The following PHIP variants were observed in gnomAD, a reference collection of about 807,000 sequenced individuals.
The protein encoded by PHIP is PH-interacting protein.
In PHIP, 54 loss-of-function variants were observed where a neutral mutation model predicts 236.8. The observed-to-expected ratio is 0.23, with a 90% CI of 0.18 to 0.29. PHIP has a LOEUF of 0.29. PHIP is among the 10% of genes least tolerant of loss of function. The pLI is 1.00. For missense variants in PHIP, 1,370 were observed against 2,190.8 expected, an observed-to-expected ratio of 0.63 and a Z score of 7.48; for synonymous variants, 756 against 718.9, an observed-to-expected ratio of 1.05 and a Z score of -0.83.
chr6:78,998,739 G>A (rs1458724273), intron 17 of PHIP, among the ~76,000 whole-genome samples: 1 of 152,084 alleles, frequency 6.6e-6, no homozygotes, highest in African/African-American at 2.4e-5. Context: ...CTAATAAGTG[G>A]CAATAGTAAG....
At chr6:79,038,084 T>A (rs948743917) in intron 7 of PHIP, among the ~76,000 whole-genome samples, 6 of 152,250 alleles carry the variant, frequency 3.9e-5, no homozygotes, top group African/African-American at 1.4e-4. Flanking sequence ...TCAATTCCCA[T>A]TCCCTCTTCA....
chr6:78,969,795 AC>A (rs1767402989), intron 27 of PHIP, 39 bp downstream of exon 27: 9 of 947,264 alleles, frequency 9.5e-6, no homozygotes, highest in Non-Finnish European at 1.4e-5. Context: ...AGAAAAAAAA[AC>A]CACATCAAAC....
intron 6 of PHIP, among the ~76,000 whole-genome samples, chr6:79,053,020 T>A (rs867395460): frequency 2.0e-5 from 3 of 152,284 alleles, no homozygotes; most frequent in African/African-American, 7.2e-5. Flanking sequence ...AGTTTCCTCA[T>A]TAATAAAGTA....
intron 4 of PHIP, among the ~76,000 whole-genome samples, chr6:79,065,763 A>ACC (rs1268972171): frequency 6.3e-5 from 7 of 110,896 alleles, no homozygotes; most frequent in Non-Finnish European, 9.5e-5. Context: ...TCTTAACTAT[A>ACC]CCACACACAC....
chr6:78,981,315 T>A (rs1225257820), intron 23 of PHIP, among the ~76,000 whole-genome samples: 1 of 152,018 alleles, frequency 6.6e-6, no homozygotes, highest in Admixed American at 6.6e-5. Flanking sequence ...GAAATACTTT[T>A]ATGTTTATTT....
At position 78,975,398 on chromosome 6, in the gene PHIP, C is replaced by G. The variant is rs548845552; in HGVS notation, c.2889+3194G>C. Among the ~76,000 whole-genome samples, 899 of 152,326 alleles carry G rather than the reference C, an allele frequency of 5.9e-3. 4 individuals carry two copies. Among genetic ancestry groups the G allele is most frequent in the African/African-American group, 0.02 (829 of 41,568 alleles). On this transcript the variant is annotated intron_variant, in intron 24 of 39. Coordinates refer to ENST00000275034, the MANE Select transcript of PHIP (RefSeq NM_017934.7). ...TCAAAATAATCAGAGCTATCTATGA[C>G]AAACCCACAGCCAATATCATACTGA...
chr6:78,970,929 CCTT>C, intron 24 of PHIP, 41 bp from the exon 25 acceptor site: 1 of 1,363,088 alleles, frequency 7.3e-7, no homozygotes, highest in Non-Finnish European at 1.0e-6. Context: ...GGATGTGTTT[CCTT>C]TAATCCAATA....
At chr6:79,024,888 C>T (rs1173965731) in intron 9 of PHIP, among the ~76,000 whole-genome samples, 1 of 152,120 alleles carries the variant, frequency 6.6e-6, no homozygotes, top group Non-Finnish European at 1.5e-5. Context: ...CCTGGCCTTG[C>T]CAATTTTTAA....
chr6:79,074,444 A>C (rs570974148), intron 4 of PHIP, among the ~76,000 whole-genome samples: 1 of 152,204 alleles, frequency 6.6e-6, no homozygotes, highest in South Asian at 2.1e-4. Flanking sequence ...ACAAATGACA[A>C]AGCTTTCCTT....
At chr6:79,050,189 T>A (rs1772716965) in intron 6 of PHIP, among the ~76,000 whole-genome samples, 1 of 151,982 alleles carries the variant, frequency 6.6e-6, no homozygotes, top group South Asian at 2.1e-4. Flanking sequence ...ATACAATACA[T>A]AACAAGGAGA....
At chr6:78,999,986 CACATTTAA>C (rs1769881823) in intron 17 of PHIP, among the ~76,000 whole-genome samples, 1 of 151,782 alleles carries the variant, frequency 6.6e-6, no homozygotes, top group African/African-American at 2.4e-5. Flanking sequence ...CTGAAAAAAA[CACATTTAA>C]AGTATGTTGT....
chr6:79,030,999 T>C (rs1771646930), intron 7 of PHIP, among the ~76,000 whole-genome samples: 1 of 152,096 alleles, frequency 6.6e-6, no homozygotes, highest in Admixed American at 6.6e-5. Context: ...GCTGGAGTAT[T>C]GTAGTGCGAT....
At chr6:78,943,852 G>A (rs1773643380) in intron 39 of PHIP, among the ~76,000 whole-genome samples, 1 of 151,860 alleles carries the variant, frequency 6.6e-6, no homozygotes, top group Non-Finnish European at 1.5e-5. Flanking sequence ...CAGGTGTGAT[G>A]GCACACACCT....
At chr6:78,951,953 G>C (rs1175959442) in intron 35 of PHIP, among the ~76,000 whole-genome samples, 1 of 152,190 alleles carries the variant, frequency 6.6e-6, no homozygotes. Flanking sequence ...CATCAGTAAA[G>C]TGAGTGGCTT....
chr6:78,968,072 T>C lies in PHIP; in HGVS notation c.3205+1763A>G, dbSNP rs181515071. On this transcript the variant is annotated intron_variant, in intron 27 of 39. Transcript: ENST00000275034. ...ATGGTGTGAACCTGGGAGGTGGAAC[T>C]TGCAGTGAGCCAAGATCACGGCACT... Among the ~76,000 whole-genome samples the C allele has an allele frequency of 6.4e-4, 97 of 152,146 alleles. 1 individual carries two copies. In the South Asian group the frequency reaches 8.1e-3, roughly 13 times the overall value.
chr6:78,988,159 A>G, intron 21 of PHIP, 50 bp downstream of exon 21: 1 of 1,353,454 alleles, frequency 7.4e-7, no homozygotes, highest in Non-Finnish European at 1.0e-6. Flanking sequence ...CTCATATTTA[A>G]AAAAATAAGT....
intron 6 of PHIP, among the ~76,000 whole-genome samples, chr6:79,059,826 CTATTAAA>C (rs1414928770): frequency 6.6e-6 from 1 of 151,540 alleles, no homozygotes; most frequent in Non-Finnish European, 1.5e-5. Flanking sequence ...AAGTACAACA[CTATTAAA>C]ATATCTTAAC....
In PHIP at chr6:79,025,626, A is replaced by G; in HGVS notation, c.823-7T>C. The G allele has an allele frequency of 6.5e-7, 1 of 1,532,636 alleles. No individual in the cohort carries two copies. Among genetic ancestry groups the G allele is most frequent in the Non-Finnish European group, 9.0e-7 (1 of 1,114,700 alleles). 94.9% of individuals were successfully genotyped at this position (1,532,636 alleles called of 1,614,324 possible). A position where few individuals can be genotyped will look rare whatever the true frequency, so the allele number is the denominator to read the frequency against. ...CACTGCACAATGGTGAGAACTGAAA[A>G]GACAATCACAGAAAAAAAATCTTTA... is the stretch of plus-strand genomic sequence containing the variant. On this transcript the variant is annotated splice_region_variant and splice_polypyrimidine_tract_variant and intron_variant, in intron 8 of 39. Transcript: ENST00000275034.
At position 78,954,961 on chromosome 6, in the gene PHIP, G is replaced by A; in HGVS notation, c.3906C>T (p.Asp1302=). The A allele has an allele frequency of 6.5e-7, 1 of 1,549,120 alleles. No homozygotes were observed. The highest frequency in any genetic ancestry group is 8.7e-7 in the Non-Finnish European group (1 of 1,154,856). The change falls in exon 35 of 40, where the codon GAC becomes GAT. Residue 1302 remains aspartate (D), a splice_region_variant and synonymous_variant. Transcript: ENST00000275034. ...VPGTSTRKRK[D]HQPRRRLRNR... ...TACGTAATCTTCTTCTAGGCTGATGGTCCTGTGATAAAAGTGTTCAAATAT... is the reference window on the plus strand; with the variant it reads ...TACGTAATCTTCTTCTAGGCTGATGATCCTGTGATAAAAGTGTTCAAATAT...
Sources: allele counts gnomAD v4.1 joint callset (sites outside exome capture counted in the v4.1 genomes callset), GRCh38; gene constraint gnomAD v4.1.1; transcripts MANE v1.5; gene names NCBI Gene and HGNC (gene_info 2026-07-23, HGNC 2026-07-21).